DCAF8L2: variants seen among roughly 807,000 people sequenced by gnomAD.
DCAF8L2 encodes DDB1- and CUL4-associated factor 8-like protein 2.
For synonymous variants in DCAF8L2, 200 were observed against 190.9 expected, an observed-to-expected ratio of 1.05 and a Z score of -0.39; for missense variants, 430 against 490.7, an observed-to-expected ratio of 0.88 and a Z score of 1.17.
intron 3 of DCAF8L2, among the ~76,000 whole-genome samples, chrX:27,707,461 C>T (rs1404553697): frequency 1.8e-5 from 2 of 111,315 alleles, no homozygotes; most frequent in Non-Finnish European, 3.8e-5. Flanking sequence ...AAAATCTTAA[C>T]AATCATAACA....
rs774400124 is a variant in DCAF8L2, at chrX:27,748,803, C to A, written c.*12C>A. The A allele has an allele frequency of 7.6e-6, 9 of 1,182,698 alleles. No individual in the cohort carries two copies. Among genetic ancestry groups the A allele is most frequent in the Non-Finnish European group, 9.1e-6 (8 of 878,510 alleles). On this transcript the variant is annotated 3_prime_UTR_variant, in exon 5 of 5. Transcript: ENST00000451261. ...GCATGCCATCCTGAAGGCCTCATATCCAGTCCAGCTACATGCCACCTAAGT... is the reference window on the plus strand; with the variant it reads ...GCATGCCATCCTGAAGGCCTCATATACAGTCCAGCTACATGCCACCTAAGT...
chrX:27,579,229 A>G, the DCAF8L2 span, among the ~76,000 whole-genome samples: 1 of 111,926 alleles, frequency 8.9e-6, no homozygotes, highest in African/African-American at 3.2e-5. Context: ...ATGCAGCCAT[A>G]GAAAGGAACA....
At chrX:27,591,904 A>C (rs748516768) in intron 1 of DCAF8L2, among the ~76,000 whole-genome samples, 1 of 112,583 alleles carries the variant, frequency 8.9e-6, no homozygotes, top group African/African-American at 3.2e-5. Context: ...TTCAGTATGC[A>C]GACACACTAA....
chrX:27,568,946 A>AACAC, the DCAF8L2 span, among the ~76,000 whole-genome samples: 523 of 86,542 alleles, frequency 6.0e-3, 2 homozygotes, highest in African/African-American at 0.012. Flanking sequence ...TTGGAACTCA[A>AACAC]ACACACACAC....
At chrX:27,557,800 G>C in the DCAF8L2 span, among the ~76,000 whole-genome samples, 8 of 100,377 alleles carry the variant, frequency 8.0e-5, no homozygotes, top group African/African-American at 1.4e-4. Flanking sequence ...AGTGGATCCG[G>C]GTATTGCATT....
the DCAF8L2 span, among the ~76,000 whole-genome samples, chrX:27,568,289 G>T: frequency 9.0e-6 from 1 of 110,966 alleles, no homozygotes; most frequent in East Asian, 2.8e-4. Context: ...TTGGAGACAG[G>T]TTTTTTTTCT....
At chrX:27,606,626 C>T (rs992751163) in intron 1 of DCAF8L2, among the ~76,000 whole-genome samples, 7 of 107,911 alleles carry the variant, frequency 6.5e-5, no homozygotes, top group Non-Finnish European at 1.3e-4. Flanking sequence ...CTGCCTTGGC[C>T]TCCCAAAGTG....
At chrX:27,700,625 G>A (rs998906555) in intron 3 of DCAF8L2, among the ~76,000 whole-genome samples, 1 of 111,133 alleles carries the variant, frequency 9.0e-6, no homozygotes, top group Admixed American at 9.6e-5. Flanking sequence ...TGCTTCTTTG[G>A]TTATCCTTCC....
intron 1 of DCAF8L2, among the ~76,000 whole-genome samples, chrX:27,598,604 C>A (rs773265613): frequency 2.7e-5 from 3 of 112,142 alleles, no homozygotes; most frequent in Non-Finnish European, 5.6e-5. Flanking sequence ...TGCCTTTGTT[C>A]TCGCTTCTGC....
upstream of DCAF8L2, chrX:27,590,271 T>C (rs1478559960): frequency 9.0e-6 from 1 of 111,471 alleles, no homozygotes; most frequent in Non-Finnish European, 1.9e-5. Context: ...TGCATTTGGA[T>C]ACTTTACTTG....
At chrX:27,691,314 G>A (rs1443175175) in intron 3 of DCAF8L2, among the ~76,000 whole-genome samples, 4 of 111,510 alleles carry the variant, frequency 3.6e-5, no homozygotes, top group Non-Finnish European at 5.7e-5. Flanking sequence ...GAGAAATATA[G>A]ATGAGAGATA....
intron 4 of DCAF8L2, among the ~76,000 whole-genome samples, chrX:27,716,571 A>G (rs1931708703): frequency 1.8e-5 from 2 of 112,134 alleles, no homozygotes; most frequent in Non-Finnish European, 3.8e-5. Context: ...TTAATGTGCC[A>G]CTGTCACTAT....
the DCAF8L2 span, among the ~76,000 whole-genome samples, chrX:27,468,973 G>A: frequency 1.8e-5 from 2 of 111,643 alleles, no homozygotes; most frequent in Non-Finnish European, 3.8e-5. Flanking sequence ...CAGCAGTCCT[G>A]GTTATTGTCT....
intron 3 of DCAF8L2, among the ~76,000 whole-genome samples, chrX:27,714,265 A>G (rs1931621671): frequency 8.9e-6 from 1 of 111,984 alleles, no homozygotes; most frequent in Admixed American, 9.5e-5. Flanking sequence ...TCTGCTTCTC[A>G]TTCATTAAAC....
At chrX:27,544,321 G>A in the DCAF8L2 span, among the ~76,000 whole-genome samples, 2 of 111,913 alleles carry the variant, frequency 1.8e-5, no homozygotes, top group Non-Finnish European at 3.8e-5. Context: ...GTATGACTCT[G>A]TGGCACATTA....
chrX:27,594,489 A>T (rs921339725), intron 1 of DCAF8L2, among the ~76,000 whole-genome samples: 58 of 111,742 alleles, frequency 5.2e-4, no homozygotes, highest in African/African-American at 1.6e-3. Flanking sequence ...TTAGATTAAA[A>T]TGGCTAACAA....
At chrX:27,532,130 G>C in the DCAF8L2 span, among the ~76,000 whole-genome samples, 3 of 109,408 alleles carry the variant, frequency 2.7e-5, no homozygotes, top group Non-Finnish European at 5.7e-5. Context: ...TGCTCTAGTG[G>C]GGCAATAAGC....
At chrX:27,669,607 T>C (rs921932713) in intron 2 of DCAF8L2, among the ~76,000 whole-genome samples, 1 of 109,885 alleles carries the variant, frequency 9.1e-6, no homozygotes, top group African/African-American at 3.3e-5. Flanking sequence ...GTATATCTCC[T>C]AATGCTATCC....
chrX:27,743,630 A>G (rs1000019202), intron 4 of DCAF8L2, among the ~76,000 whole-genome samples: 62 of 110,058 alleles, frequency 5.6e-4, no homozygotes, highest in African/African-American at 1.8e-3. Context: ...TCCGACTGCA[A>G]GTAATCCACC....
Sources: gnomAD v4.1 joint callset for allele counts (sites outside exome capture counted in the v4.1 genomes callset) on GRCh38, gnomAD v4.1.1 for gene constraint, MANE v1.5 for transcripts, NCBI Gene and HGNC (gene_info 2026-07-23, HGNC 2026-07-21) for gene names.